KRT77: variants seen among roughly 807,000 people sequenced by gnomAD.
KRT77 encodes keratin 77.
KRT77 carries 44 observed loss-of-function variants against 51.5 expected under a neutral mutation model. That is an observed-to-expected ratio of 0.85 (90% CI 0.67 to 1.10). KRT77 has a LOEUF of 1.10. KRT77 is among the 50% of genes least tolerant of loss of function. The pLI, the probability that KRT77 is intolerant of heterozygous loss-of-function variation, is 0.00. For synonymous variants in KRT77, 293 were observed against 302.0 expected (o/e 0.97, Z 0.31); for missense variants, 763 against 743.9 (o/e 1.03, Z -0.30).
At chr12:52,701,671 G>A (rs1941889118) in intron 1 of KRT77, among the ~76,000 whole-genome samples, 1 of 152,236 alleles carries the variant, frequency 6.6e-6, no homozygotes, top group Non-Finnish European at 1.5e-5. Flanking sequence ...GATGCTGGAG[G>A]GAGGTCTTCA....
chr12:52,699,665 T>C (rs1271740642), intron 1 of KRT77, among the ~76,000 whole-genome samples: 2 of 152,194 alleles, frequency 1.3e-5, no homozygotes, highest in Non-Finnish European at 2.9e-5. Context: ...TCTCCTCAAC[T>C]CTTTGCCCAG....
chr12:52,691,903 C>T, intron 8 of KRT77, 35 bp downstream of exon 8: 1 of 1,613,336 alleles, frequency 6.2e-7, no homozygotes, highest in Non-Finnish European at 8.5e-7. Context: ...CCCAGCACCA[C>T]CAGCCTCTCT....
At chr12:52,693,940 G>A (rs973448419) in intron 5 of KRT77, among the ~76,000 whole-genome samples, 1 of 151,992 alleles carries the variant, frequency 6.6e-6, no homozygotes, top group Non-Finnish European at 1.5e-5. Context: ...AGGAGGCTGA[G>A]GCAGGAGAAT....
intron 4 of KRT77, 154 bp from the exon 5 acceptor site, chr12:52,694,944 T>C: frequency 1.7e-6 from 1 of 573,234 alleles, no homozygotes; most frequent in Non-Finnish European, 2.9e-6. Context: ...CAATGAGAGA[T>C]AATAGGGAGA....
chr12:52,697,494 C>G (rs1941811684), intron 2 of KRT77, among the ~76,000 whole-genome samples, 188 bp downstream of exon 2: 4 of 152,232 alleles, frequency 2.6e-5, no homozygotes, highest in Admixed American at 2.0e-4. Flanking sequence ...ATGCAATTGA[C>G]AGCTGGCTGC....
chr12:52,698,048 GAC>G, intron 1 of KRT77, 152 bp from the exon 2 acceptor site: 1 of 1,428,284 alleles, frequency 7.0e-7, no homozygotes, highest in Middle Eastern at 1.8e-4. Context: ...TCGGGATTGA[GAC>G]ACACAGAGGG....
intron 1 of KRT77, among the ~76,000 whole-genome samples, chr12:52,700,280 C>T (rs1312088440): frequency 2.0e-5 from 3 of 152,210 alleles, no homozygotes; most frequent in African/African-American, 7.2e-5. Context: ...CAGGAGTTTG[C>T]ATTCTATTTA....
chr12:52,691,405 G>A lies in KRT77; in HGVS notation c.1497C>T (p.Gly499=), dbSNP rs1311813662. Residue 499 remains glycine, a synonymous_variant, in exon 9 of 9, where the codon GGC becomes GGT. Transcript: ENST00000341809. ...AGCCGTAGCTGCCGCCGCCTCCCGCGCCGCCGTTGACGCTCACCTGGCTGT... is the reference window on the plus strand; with the variant it reads ...AGCCGTAGCTGCCGCCGCCTCCCGCACCGCCGTTGACGCTCACCTGGCTGT... The part of the protein sequence containing the change: ...VQNSQVSVNG[G]AGGGGSYGSG... 3 of 1,598,272 alleles carry A rather than the reference G, an allele frequency of 1.9e-6. No homozygotes were observed. The highest frequency in any genetic ancestry group is 1.7e-4 in the Middle Eastern group (1 of 5,716).
In KRT77 at chr12:52,697,901, G is replaced by C. The variant is rs767770577; in HGVS notation, c.544-5C>G. The C allele has an allele frequency of 4.3e-6, 7 of 1,613,160 alleles. No homozygotes were observed. The highest frequency in any genetic ancestry group is 3.3e-5 in the Admixed American group (2 of 59,982). On this transcript the variant is annotated splice_region_variant and splice_polypyrimidine_tract_variant and intron_variant, in intron 1 of 8. Coordinates refer to ENST00000341809, the MANE Select transcript of KRT77 (RefSeq NM_175078.3). ...CTGCTGCTCCAGGAATCGCACCTAAGAGCAAGAGACCCCAGTCCACCCCAG... is the reference window on the plus strand; with the variant it reads ...CTGCTGCTCCAGGAATCGCACCTAACAGCAAGAGACCCCAGTCCACCCCAG...
chr12:52,691,362 C>A lies in KRT77; in HGVS notation c.1540G>T (p.Gly514Cys), dbSNP rs768129431. 4 of 1,601,226 alleles carry A rather than the reference C, an allele frequency of 2.5e-6. No individual in the cohort carries two copies. The South Asian group carries it at 3.3e-5, about 13-fold the overall frequency. ...CCGCCGCCATAGCCCCCACCGCTGC[C>A]GCCGCCGTAGCCTCCTGAGCCGTAG... ...GSYGSGGYGG[G>C]SGGGYGGGRS... Residue 514 changes from glycine (G) to cysteine (C), a missense_variant, in exon 9 of 9, where the codon GGC (glycine) becomes TGC (cysteine). Coordinates refer to ENST00000341809, the MANE Select transcript of KRT77 (RefSeq NM_175078.3).
chr12:52,693,987 A>T (rs553820884), intron 5 of KRT77, among the ~76,000 whole-genome samples: 3 of 151,752 alleles, frequency 2.0e-5, no homozygotes, highest in African/African-American at 7.3e-5. Context: ...TAGTGAACTG[A>T]TATCAGGCCA....
intron 2 of KRT77, among the ~76,000 whole-genome samples, chr12:52,697,306 C>T (rs1035179745): frequency 6.6e-6 from 1 of 151,524 alleles, no homozygotes; most frequent in African/African-American, 2.4e-5. Flanking sequence ...CTGAGAACCA[C>T]AGATCTACCC....
chr12:52,695,414 C>A, intron 4 of KRT77: 1 of 210,380 alleles, frequency 4.8e-6, no homozygotes. Context: ...CTGTCACCTC[C>A]CACAGAGTTT....
intron 3 of KRT77, 45 bp downstream of exon 3, chr12:52,696,325 G>A (rs756161605): frequency 1.3e-5 from 20 of 1,589,650 alleles, no homozygotes; most frequent in Non-Finnish European, 9.5e-6. Flanking sequence ...ACTCCCCTCA[G>A]CCTCCTGGGT....
intron 3 of KRT77, among the ~76,000 whole-genome samples, 195 bp downstream of exon 3, chr12:52,696,175 G>T (rs1592273150): frequency 6.6e-6 from 1 of 152,152 alleles, no homozygotes; most frequent in Admixed American, 6.5e-5. Context: ...ACCCCAGAGA[G>T]ATACGAACTC....
chr12:52,702,278 G>A (rs1367014328), intron 1 of KRT77, among the ~76,000 whole-genome samples: 3 of 152,190 alleles, frequency 2.0e-5, no homozygotes, highest in African/African-American at 7.2e-5. Context: ...CTAGTCACCT[G>A]TAGCACCTGG....
chr12:52,692,450 G>C lies in KRT77; in HGVS notation c.1398C>G (p.Tyr466Ter). The C allele has an allele frequency of 6.2e-7, 1 of 1,614,084 alleles. No individual in the cohort carries two copies. The highest frequency in any genetic ancestry group is 8.5e-7 in the Non-Finnish European group (1 of 1,180,012). Residue 466 changes from tyrosine to a stop codon, truncating the protein, a stop_gained, in exon 7 of 9, where the codon TAC becomes TAG. Transcript: ENST00000341809. LOFTEE classifies it high-confidence loss of function. ...TCTCCTCGCCCTCCAGCAGCTGGCG[G>C]TAGGTGGCGATCTCCACATCCAGGG... ...KLSLDVEIATYRQLLEGEESR... is the reference protein window; with the variant it reads ...KLSLDVEIAT
intron 1 of KRT77, chr12:52,698,144 C>G (rs2121068641): frequency 1.4e-6 from 2 of 1,406,812 alleles, no homozygotes; most frequent in Non-Finnish European, 1.9e-6. Flanking sequence ...GAAGGTAAAT[C>G]ACCTCCTTCA....
chr12:52,694,591 T>C (rs1173815275), intron 5 of KRT77, 35 bp downstream of exon 5: 1 of 1,548,324 alleles, frequency 6.5e-7, no homozygotes, highest in Non-Finnish European at 8.8e-7. Flanking sequence ...GAAGAATCTG[T>C]TTTTCTGGGC....
Sources: gnomAD v4.1 joint callset for allele counts (sites outside exome capture counted in the v4.1 genomes callset) on GRCh38, gnomAD v4.1.1 for gene constraint, MANE v1.5 for transcripts, NCBI Gene and HGNC (gene_info 2026-07-23, HGNC 2026-07-21) for gene names.